Variants in ENPP6 observed in about 807,000 individuals in gnomAD.
ENPP6 encodes the protein ectonucleotide pyrophosphatase/phosphodiesterase 6, also known as glycerophosphocholine cholinephosphodiesterase ENPP6.
In ENPP6, 32 loss-of-function variants were observed where a neutral mutation model predicts 42.0. The ratio of observed to expected loss-of-function variants is 0.76; its 90% CI spans 0.58 to 1.02. The LOEUF (loss-of-function observed/expected upper bound fraction) is 1.02, where lower values mean the gene tolerates loss of function less well. Among genes scored for constraint, ENPP6 ranks in the 50% least tolerant of loss-of-function variants. The pLI, the probability that ENPP6 is intolerant of heterozygous loss-of-function variation, is 0.00. For missense variants in ENPP6, 552 were observed against 566.8 expected (o/e 0.97, Z 0.27); for synonymous variants, 213 against 216.0 (o/e 0.99, Z 0.12).
chr4:184,128,522 TA>T (rs1736541850), intron 2 of ENPP6, among the ~76,000 whole-genome samples: 1 of 149,572 alleles, frequency 6.7e-6, no homozygotes, highest in Non-Finnish European at 1.5e-5. Flanking sequence ...ATGTAAGAAA[TA>T]AAATCCAACT....
intron 1 of ENPP6, among the ~76,000 whole-genome samples, chr4:184,164,996 G>A (rs546988979): frequency 6.6e-6 from 1 of 152,304 alleles, no homozygotes; most frequent in South Asian, 2.1e-4. Context: ...AGCTGCTGGT[G>A]TTACACTTGC....
chr4:184,100,553 T>C (rs1282937490), intron 6 of ENPP6, among the ~76,000 whole-genome samples: 3 of 152,098 alleles, frequency 2.0e-5, no homozygotes, highest in Non-Finnish European at 4.4e-5. Flanking sequence ...GAGGGTGGGC[T>C]TGTGTGTGTG....
At chr4:184,124,295 A>G (rs1436947204) in intron 2 of ENPP6, 23 bp from the exon 3 acceptor site, 5 of 1,562,506 alleles carry the variant, frequency 3.2e-6, no homozygotes, top group Non-Finnish European at 4.4e-6. Flanking sequence ...AAGATGGCAA[A>G]TAGTTACTCT....
chr4:184,162,111 ACCACTCTCAAGGACCCAG>A (rs1308549829), intron 1 of ENPP6, among the ~76,000 whole-genome samples: 1 of 152,016 alleles, frequency 6.6e-6, no homozygotes, highest in East Asian at 1.9e-4. Context: ...TTTCCTGGCC[ACCACTCTCAAGGACCCAG>A]CCTGCGCATC....
intron 1 of ENPP6, among the ~76,000 whole-genome samples, chr4:184,189,103 C>T (rs753562702): frequency 3.0e-4 from 45 of 152,132 alleles, no homozygotes; most frequent in Non-Finnish European, 5.1e-4. Flanking sequence ...AGAGCTGGGC[C>T]GTGCTGGGAA....
intron 2 of ENPP6, among the ~76,000 whole-genome samples, chr4:184,149,748 C>CT (rs1241920987): frequency 1.3e-5 from 2 of 152,144 alleles, no homozygotes; most frequent in East Asian, 1.9e-4. Flanking sequence ...TTTTTTATTC[C>CT]TTTTTTGTAT....
chr4:184,174,131 A>G (rs1737522571), intron 1 of ENPP6, among the ~76,000 whole-genome samples: 1 of 139,718 alleles, frequency 7.2e-6, no homozygotes, highest in Non-Finnish European at 1.5e-5. Flanking sequence ...AGAGGTCCCA[A>G]ATCCTTTTTT....
At chr4:184,146,478 G>A (rs1340388040) in intron 2 of ENPP6, among the ~76,000 whole-genome samples, 1 of 151,768 alleles carries the variant, frequency 6.6e-6, no homozygotes, top group Non-Finnish European at 1.5e-5. Context: ...GAAACAACCT[G>A]AATTGTTTTT....
intron 1 of ENPP6, among the ~76,000 whole-genome samples, chr4:184,200,883 T>C (rs1468068621): frequency 2.0e-5 from 3 of 152,218 alleles, no homozygotes; most frequent in Non-Finnish European, 4.4e-5. Flanking sequence ...CCCATGCACG[T>C]GCTCTTGAAG....
At chr4:184,113,924 T>TTTCTTTCTTTCC (rs1736263395) in intron 5 of ENPP6, among the ~76,000 whole-genome samples, 1 of 140,346 alleles carries the variant, frequency 7.1e-6, no homozygotes, top group Non-Finnish European at 1.6e-5. Flanking sequence ...TCTTTCTTTC[T>TTTCTTTCTTTCC]TTCTTTCTTT....
chr4:184,200,506 C>T (rs573204992), intron 1 of ENPP6, among the ~76,000 whole-genome samples: 68 of 152,348 alleles, frequency 4.5e-4, no homozygotes, highest in African/African-American at 1.6e-3. Flanking sequence ...TGGCCAGAAC[C>T]TAATTAACAT....
intron 5 of ENPP6, among the ~76,000 whole-genome samples, chr4:184,115,005 C>A (rs1172450489): frequency 6.6e-6 from 1 of 151,996 alleles, no homozygotes; most frequent in Non-Finnish European, 1.5e-5. Context: ...CCCAAACAGA[C>A]AGATCTTATA....
chr4:184,173,227 C>T (rs555610001), intron 1 of ENPP6, among the ~76,000 whole-genome samples: 3 of 152,112 alleles, frequency 2.0e-5, no homozygotes, highest in African/African-American at 7.2e-5. Flanking sequence ...TAAAAGTGTT[C>T]ATTGGAGCCT....
At chr4:184,189,581 T>A (rs551497142) in intron 1 of ENPP6, among the ~76,000 whole-genome samples, 3 of 152,272 alleles carry the variant, frequency 2.0e-5, no homozygotes, top group Admixed American at 2.0e-4. Flanking sequence ...CAGTCCTGCC[T>A]TTCCACGGAC....
chr4:184,132,867 A>G (rs1203915124), intron 2 of ENPP6, among the ~76,000 whole-genome samples: 1 of 150,388 alleles, frequency 6.6e-6, no homozygotes, highest in Non-Finnish European at 1.5e-5. Flanking sequence ...AAAATCTCCA[A>G]TTGATCTATC....
In ENPP6 at chr4:184,090,826, G is replaced by A. The variant is rs1215690382; in HGVS notation, c.*351C>T. On this transcript the variant is annotated 3_prime_UTR_variant, in exon 8 of 8. Transcript: ENST00000296741. ...CCTTTGTGCAAGGTGGGACAGAGAG[G>A]GGCCCAGAGCCACGTCTGTCTGCAA... 1.2e-5 allele frequency: 5 copies of A among 407,122 alleles called. No individual in the cohort carries two copies. The highest frequency in any genetic ancestry group is 6.2e-5 in the African/African-American group (3 of 48,512). 25.2% of individuals were successfully genotyped at this position (407,122 alleles called of 1,614,324 possible). A position where few individuals can be genotyped will look rare whatever the true frequency, so the allele number is the denominator to read the frequency against.
intron 6 of ENPP6, among the ~76,000 whole-genome samples, chr4:184,100,522 C>T (rs1428120045): frequency 1.3e-5 from 2 of 152,074 alleles, no homozygotes; most frequent in Admixed American, 6.6e-5. Flanking sequence ...CAGATCTGGC[C>T]GAAGGTGAGA....
Position 184,122,017 on chromosome 4 carries a change from T to G in ENPP6, c.533+2144A>C, listed in dbSNP as rs535742238. Among the ~76,000 whole-genome samples the G allele has an allele frequency of 3.3e-5, 5 of 152,332 alleles. No individual in the cohort carries two copies. The East Asian group carries it at 9.6e-4, about 29-fold the overall frequency. On this transcript the variant is annotated intron_variant, in intron 3 of 7. Transcript: ENST00000296741. ...ATCATCCAGCCTATTATTATTCTTT[T>G]CTTTCTCACATGTCAAGAGCTTCCT...
At chr4:184,112,960 T>A (rs1011468090) in intron 5 of ENPP6, 151 bp from the exon 6 acceptor site, 23 of 927,628 alleles carry the variant, frequency 2.5e-5, no homozygotes, top group Non-Finnish European at 3.2e-5. Context: ...AACAAAAAAC[T>A]TTTGTCTGTC....
Sources: allele counts gnomAD v4.1 joint callset (sites outside exome capture counted in the v4.1 genomes callset), GRCh38; gene constraint gnomAD v4.1.1; transcripts MANE v1.5; gene names NCBI Gene and HGNC (gene_info 2026-07-23, HGNC 2026-07-21).